Variants in ROBO1 observed in about 807,000 individuals in gnomAD.
ROBO1 encodes roundabout guidance receptor 1.
A neutral mutation model predicts 195.9 loss-of-function variants in ROBO1; 149 were observed. That is an observed-to-expected ratio of 0.76 (90% confidence interval 0.67 to 0.87). The LOEUF (loss-of-function observed/expected upper bound fraction) is 0.87. ROBO1 is among the 40% of genes least tolerant of loss of function. The pLI is 0.00. For synonymous variants in ROBO1, 816 were observed against 733.2 expected, an observed-to-expected ratio of 1.11 and a Z score of -1.82; for missense variants, 1,933 against 2,068.3, an observed-to-expected ratio of 0.93 and a Z score of 1.27.
intron 14 of ROBO1, among the ~76,000 whole-genome samples, chr3:78,663,520 T>C (rs1484541968): frequency 6.6e-6 from 1 of 152,120 alleles, no homozygotes; most frequent in Non-Finnish European, 1.5e-5. Flanking sequence ...GTCACCCATC[T>C]CTAGGATAAG....
intron 4 of ROBO1, among the ~76,000 whole-genome samples, chr3:78,834,160 A>C (rs1046035463): frequency 6.6e-6 from 1 of 152,118 alleles, no homozygotes; most frequent in Non-Finnish European, 1.5e-5. Flanking sequence ...AGTGGTGTTG[A>C]CCGAAACAAG....
intron 1 of ROBO1, among the ~76,000 whole-genome samples, chr3:79,719,963 C>G (rs1221991892): frequency 6.6e-6 from 1 of 152,092 alleles, no homozygotes; most frequent in Non-Finnish European, 1.5e-5. Context: ...AGACTAGAGA[C>G]TTTTCTCAGA....
chr3:79,272,211 G>A (rs932067694), intron 2 of ROBO1, among the ~76,000 whole-genome samples: 1 of 152,004 alleles, frequency 6.6e-6, no homozygotes, highest in African/African-American at 2.4e-5. Context: ...ATGTATAAAG[G>A]TAAAGAAACA....
intron 4 of ROBO1, among the ~76,000 whole-genome samples, chr3:78,856,765 T>G (rs2034469492): frequency 6.6e-6 from 1 of 151,498 alleles, no homozygotes; most frequent in South Asian, 2.1e-4. Flanking sequence ...CATATAACAC[T>G]GTTCAATGTT....
chr3:79,734,818 G>A (rs1703310112), intron 1 of ROBO1, among the ~76,000 whole-genome samples: 1 of 152,142 alleles, frequency 6.6e-6, no homozygotes. Context: ...CACACTAAGA[G>A]TAACGACCCT....
intron 5 of ROBO1, among the ~76,000 whole-genome samples, chr3:78,719,626 T>C (rs532408388): frequency 1.3e-5 from 2 of 152,160 alleles, no homozygotes; most frequent in Non-Finnish European, 2.9e-5. Flanking sequence ...GTATGAGGCA[T>C]TACTATATTT....
At chr3:78,736,048 G>T (rs1393351393) in intron 5 of ROBO1, among the ~76,000 whole-genome samples, 1 of 152,006 alleles carries the variant, frequency 6.6e-6, no homozygotes, top group Non-Finnish European at 1.5e-5. Context: ...TAATTAACTT[G>T]TGTAGTATCT....
At chr3:79,029,672 G>A (rs2078259537) in intron 3 of ROBO1, among the ~76,000 whole-genome samples, 1 of 152,174 alleles carries the variant, frequency 6.6e-6, no homozygotes, top group South Asian at 2.1e-4. Context: ...CGAGAACACA[G>A]TTTGAAGAAT....
chr3:78,948,183 A>G (rs982364552), intron 3 of ROBO1, among the ~76,000 whole-genome samples: 1 of 152,224 alleles, frequency 6.6e-6, no homozygotes, highest in Non-Finnish European at 1.5e-5. Flanking sequence ...TGAGGCCAGC[A>G]TCATCCTGAT....
At chr3:78,609,202 T>C (rs1703641456) in intron 28 of ROBO1, among the ~76,000 whole-genome samples, 1 of 152,146 alleles carries the variant, frequency 6.6e-6, no homozygotes, top group African/African-American at 2.4e-5. Flanking sequence ...ATTAAAAAAA[T>C]ACAAATTTAC....
At chr3:79,705,894 TA>T (rs1947755655) in intron 1 of ROBO1, among the ~76,000 whole-genome samples, 1 of 152,134 alleles carries the variant, frequency 6.6e-6, no homozygotes, top group Non-Finnish European at 1.5e-5. Flanking sequence ...CATATTTTGT[TA>T]AATTTATATT....
chr3:79,237,545 T>C (rs984806150), intron 2 of ROBO1, among the ~76,000 whole-genome samples: 10 of 151,862 alleles, frequency 6.6e-5, no homozygotes, highest in African/African-American at 2.2e-4. Context: ...AACAGAAGCA[T>C]TGAAAATCAA....
intron 1 of ROBO1, among the ~76,000 whole-genome samples, chr3:79,711,624 G>C (rs9309828): frequency 6.6e-6 from 1 of 151,800 alleles, no homozygotes; most frequent in African/African-American, 2.4e-5. Flanking sequence ...GAATGCTACC[G>C]CTCTTGCTAA....
At chr3:79,098,848 T>C (rs926373606) in intron 3 of ROBO1, among the ~76,000 whole-genome samples, 2 of 151,802 alleles carry the variant, frequency 1.3e-5, no homozygotes, top group African/African-American at 4.8e-5. Context: ...CTGTCGAAGA[T>C]GGCCGACAGA....
At chr3:78,665,286 C>T (rs954496390) in intron 14 of ROBO1, among the ~76,000 whole-genome samples, 6 of 152,176 alleles carry the variant, frequency 3.9e-5, no homozygotes, top group Non-Finnish European at 8.8e-5. Context: ...TACATTTGTT[C>T]TCTTGGCAAC....
intron 1 of ROBO1, among the ~76,000 whole-genome samples, chr3:79,750,362 T>C (rs1012396605): frequency 6.6e-6 from 1 of 152,210 alleles, no homozygotes; most frequent in Non-Finnish European, 1.5e-5. Context: ...TGTTGGACTG[T>C]GGACTTTTGA....
chr3:78,688,837 T>C lies in ROBO1; in HGVS notation c.1046-65A>G. On this transcript the variant is annotated intron_variant, in intron 8 of 30. Coordinates refer to ENST00000464233, the MANE Select transcript of ROBO1 (RefSeq NM_002941.4). ...GTTGTTATTGTCCTAATTGAGACAA[T>C]CTCTTATATTCTAAGTGCTGCTGTT... 17 of 1,464,594 alleles carry C rather than the reference T, an allele frequency of 1.2e-5. 1 individual carries two copies. In the South Asian group the frequency reaches 2.3e-4, roughly 19 times the overall value. The allele number at this position is 1,464,594 out of a possible 1,614,324, so 90.7% of individuals were successfully genotyped here.
intron 8 of ROBO1, among the ~76,000 whole-genome samples, chr3:78,712,214 T>G (rs929101785): frequency 1.3e-5 from 2 of 152,084 alleles, no homozygotes; most frequent in African/African-American, 4.8e-5. Flanking sequence ...AAATACTCAT[T>G]GTATGAGATG....
At chr3:79,159,586 A>T (rs1316636179) in intron 2 of ROBO1, among the ~76,000 whole-genome samples, 1 of 152,026 alleles carries the variant, frequency 6.6e-6, no homozygotes, top group Non-Finnish European at 1.5e-5. Context: ...TTTGGTACTG[A>T]GGGAGTACAG....
Sources: gnomAD v4.1 joint callset for allele counts (sites outside exome capture counted in the v4.1 genomes callset) on GRCh38, gnomAD v4.1.1 for gene constraint, MANE v1.5 for transcripts, NCBI Gene and HGNC (gene_info 2026-07-23, HGNC 2026-07-21) for gene names.